CRYBG1: variants seen among roughly 807,000 people sequenced by gnomAD.
The protein encoded by CRYBG1 is crystallin beta-gamma domain containing 1.
CRYBG1 carries 139 observed loss-of-function variants against 189.2 expected under a neutral mutation model. The observed-to-expected ratio is 0.73, with a 90% CI of 0.64 to 0.85. The LOEUF (loss-of-function observed/expected upper bound fraction) is 0.85, where lower values mean the gene tolerates loss of function less well. Ranked by LOEUF, CRYBG1 falls within the 40% of genes least tolerant of loss-of-function variation. CRYBG1 has a pLI of 0.00. For synonymous variants in CRYBG1, 1,023 were observed against 1,017.1 expected, an observed-to-expected ratio of 1.01 and a Z score of -0.11; for missense variants, 2,611 against 2,675.8, an observed-to-expected ratio of 0.98 and a Z score of 0.53.
chr6:106,481,188 A>T (rs1772445377), intron 2 of CRYBG1, among the ~76,000 whole-genome samples: 1 of 63,166 alleles, frequency 1.6e-5, no homozygotes, highest in Admixed American at 2.3e-4. Flanking sequence ...TTTAGCCGGG[A>T]TGGTCTCGAT....
chr6:106,375,154 C>T (rs922837184), intron 1 of CRYBG1, among the ~76,000 whole-genome samples: 1 of 151,296 alleles, frequency 6.6e-6, no homozygotes, highest in Admixed American at 6.6e-5. Context: ...GAAGCTGAGG[C>T]AGGAGGATCA....
intron 20 of CRYBG1, among the ~76,000 whole-genome samples, chr6:106,562,700 G>A (rs1367334568): frequency 6.6e-6 from 1 of 152,210 alleles, no homozygotes; most frequent in Non-Finnish European, 1.5e-5. Flanking sequence ...TGTTGGCCAG[G>A]ATGGTCTTGA....
chr6:106,390,415 C>A (rs1770478852), intron 1 of CRYBG1, among the ~76,000 whole-genome samples: 1 of 151,806 alleles, frequency 6.6e-6, no homozygotes, highest in Admixed American at 6.6e-5. Flanking sequence ...CCTTTTCTTT[C>A]TTTTCTTCTC....
At chr6:106,473,947 T>C (rs932724285) in intron 2 of CRYBG1, among the ~76,000 whole-genome samples, 2 of 152,240 alleles carry the variant, frequency 1.3e-5, no homozygotes, top group African/African-American at 2.4e-5. Context: ...AGTTTACATA[T>C]GATTATGTCT....
At chr6:106,529,041 G>C (rs374932086) in intron 7 of CRYBG1, among the ~76,000 whole-genome samples, 2 of 152,004 alleles carry the variant, frequency 1.3e-5, no homozygotes, top group East Asian at 3.9e-4. Context: ...CCTCCCAGGG[G>C]TTCAAGTGAT....
At chr6:106,404,684 G>A (rs1409819646) in intron 1 of CRYBG1, among the ~76,000 whole-genome samples, 1 of 152,146 alleles carries the variant, frequency 6.6e-6, no homozygotes, top group Non-Finnish European at 1.5e-5. Context: ...GAGGTACCTG[G>A]CTTATCTCAC....
rs1308344450 is a variant in CRYBG1, at chr6:106,544,708, G to A, written c.5166+11G>A. On this transcript the variant is annotated intron_variant, in intron 12 of 21. Transcript: ENST00000633556. ...CGACCTATATTAGGTGTAAGTAAAG[G>A]ACAAGCTAATGGCTAATACTTGGTC... 1.2e-6 allele frequency: 2 copies of A among 1,612,244 alleles called. No homozygotes were observed. Among genetic ancestry groups the A allele is most frequent in the South Asian group, 1.1e-5 (1 of 90,826 alleles).
intron 9 of CRYBG1, among the ~76,000 whole-genome samples, chr6:106,540,247 G>A (rs552583499): frequency 3.9e-5 from 6 of 152,252 alleles, no homozygotes; most frequent in South Asian, 2.1e-4. Flanking sequence ...AGTGTTGAGC[G>A]CAGTGTGTGC....
At chr6:106,441,400 A>C (rs1461255438) in intron 1 of CRYBG1, among the ~76,000 whole-genome samples, 1 of 152,132 alleles carries the variant, frequency 6.6e-6, no homozygotes, top group African/African-American at 2.4e-5. Context: ...TGCACCTTAG[A>C]GAATTTCTAT....
chr6:106,498,614 C>T (rs1461539857), intron 2 of CRYBG1, among the ~76,000 whole-genome samples: 1 of 152,184 alleles, frequency 6.6e-6, no homozygotes, highest in Non-Finnish European at 1.5e-5. Flanking sequence ...ATCGGTCACA[C>T]CTGTAATCCT....
chr6:106,376,229 C>T (rs573762), intron 1 of CRYBG1, among the ~76,000 whole-genome samples: 71,546 of 151,950 alleles, frequency 0.47, 17,411 homozygotes, highest in East Asian at 0.61. Flanking sequence ...TTTTGTATCT[C>T]GTTTTGTTTT....
Position 106,552,582 on chromosome 6 carries a change from C to CAAAAAA in CRYBG1, c.5472+392_5472+397dup, listed in dbSNP as rs58470981. 1.6e-4 allele frequency among the ~76,000 whole-genome samples: 11 copies of CAAAAAA among 67,644 alleles called. 1 individual carries two copies. Among genetic ancestry groups the CAAAAAA allele is most frequent in the Non-Finnish European group, 2.7e-4 (10 of 37,008 alleles). 44.4% of individuals were successfully genotyped at this position (67,644 alleles called of 152,430 possible). A position where few individuals can be genotyped will look rare whatever the true frequency, so the allele number is the denominator to read the frequency against. ...AGCCTGAGTGACAGAGACTCTGTCTCAAAAAAAAAAAAAAAAAAAAAAAAA... is the reference window on the plus strand; with the variant it reads ...AGCCTGAGTGACAGAGACTCTGTCTCAAAAAAAAAAAAAAAAAAAAAAAAAAAAAAA... On this transcript the variant is annotated intron_variant, in intron 15 of 21. Coordinates refer to ENST00000633556, the MANE Select transcript of CRYBG1 (RefSeq NM_001371242.2).
At chr6:106,372,275 G>T (rs115845447) in intron 1 of CRYBG1, among the ~76,000 whole-genome samples, 8,331 of 151,306 alleles carry the variant, frequency 0.055, 370 homozygotes, top group East Asian at 0.16. Context: ...TTTTTTTTTA[G>T]ATAGGGTCTC....
chr6:106,570,829 T>C lies in CRYBG1; in HGVS notation c.*2263T>C, dbSNP rs1013389023. 10 of 152,148 alleles carry C rather than the reference T, an allele frequency of 6.6e-5. No homozygotes were observed. The highest frequency in any genetic ancestry group is 1.2e-4 in the African/African-American group (5 of 41,422). 9.4% of individuals were successfully genotyped at this position (152,148 alleles called of 1,614,324 possible). ...TTTAGAGAAAAGCCTACATCTAACA[T>C]ACATGCTACCAAACGAGTGTCTAAC... On this transcript the variant is annotated 3_prime_UTR_variant, in exon 22 of 22. Coordinates refer to ENST00000633556, the MANE Select transcript of CRYBG1 (RefSeq NM_001371242.2).
chr6:106,537,736 C>T (rs555940768), intron 8 of CRYBG1, among the ~76,000 whole-genome samples: 46 of 152,230 alleles, frequency 3.0e-4, no homozygotes, highest in Non-Finnish European at 5.9e-4. Context: ...TTCTTTCATG[C>T]GTCCTCACGC....
intron 1 of CRYBG1, among the ~76,000 whole-genome samples, chr6:106,449,894 A>T (rs991664066): frequency 6.6e-6 from 1 of 152,216 alleles, no homozygotes; most frequent in African/African-American, 2.4e-5. Context: ...GTACCTTTAC[A>T]TTTTATATAA....
chr6:106,462,125 C>CT (rs199802196), intron 2 of CRYBG1, among the ~76,000 whole-genome samples: 10 of 151,932 alleles, frequency 6.6e-5, no homozygotes, highest in South Asian at 4.2e-4. Flanking sequence ...TTTAGCTATT[C>CT]TTTTTTTTCT....
intron 6 of CRYBG1, among the ~76,000 whole-genome samples, chr6:106,526,562 T>A (rs912311957): frequency 2.7e-4 from 41 of 152,198 alleles, no homozygotes; most frequent in African/African-American, 8.2e-4. Flanking sequence ...TTACCATATC[T>A]ATAGTCTTTT....
intron 1 of CRYBG1, among the ~76,000 whole-genome samples, chr6:106,410,241 T>C (rs1478248684): frequency 3.9e-5 from 6 of 152,150 alleles, no homozygotes; most frequent in Non-Finnish European, 8.8e-5. Context: ...AAATAAGAGA[T>C]TTATGTGGCC....
Sources: allele counts gnomAD v4.1 joint callset (sites outside exome capture counted in the v4.1 genomes callset), GRCh38; gene constraint gnomAD v4.1.1; transcripts MANE v1.5; gene names NCBI Gene and HGNC (gene_info 2026-07-23, HGNC 2026-07-21).